Variants in CACNB1 observed in about 807,000 individuals in gnomAD.
CACNB1 encodes the protein voltage-dependent L-type calcium channel subunit beta-1.
In CACNB1, 29 loss-of-function variants were observed where a neutral mutation model predicts 71.6. That is an observed-to-expected ratio of 0.40 (90% CI 0.30 to 0.55). The LOEUF (loss-of-function observed/expected upper bound fraction) is 0.55, where lower values mean the gene tolerates loss of function less well. CACNB1 is among the 20% of genes least tolerant of loss of function. The pLI is 0.38. For synonymous variants in CACNB1, 300 were observed against 319.6 expected (o/e 0.94, Z 0.65); for missense variants, 623 against 801.8 (o/e 0.78, Z 2.69).
intron 2 of CACNB1, chr17:39,191,911 C>T (rs915761694): frequency 4.1e-5 from 15 of 364,142 alleles, no homozygotes; most frequent in Non-Finnish European, 7.0e-5. Context: ...ATGCCAGGGA[C>T]GAGTCTCTAC....
chr17:39,175,652 G>A lies in CACNB1; in HGVS notation c.1338C>T (p.Pro446=), dbSNP rs774555441. 3.8e-6 allele frequency: 6 copies of A among 1,560,336 alleles called. No individual in the cohort carries two copies. The highest frequency in any genetic ancestry group is 1.4e-5 in the African/African-American group (1 of 73,752). Residue 446 remains proline, a synonymous_variant, in exon 14 of 14, where the codon CCC becomes CCT. Transcript: ENST00000394303. The surrounding 1 kb of genome is among the most constrained non-coding windows in gnomAD (Gnocchi z 4.7). The part of the protein sequence containing the change: ...SPAPVSNLQG[P]YLASGDQPLE... Reference sequence around the variant, plus strand: ...GTGGCTGGTCCCCGGAAGCAAGGTAGGGTCCCTGGTTAGCAGACGGACAGC... The same window carrying A: ...GTGGCTGGTCCCCGGAAGCAAGGTAAGGTCCCTGGTTAGCAGACGGACAGC...
At chr17:39,190,670 C>T (rs757027107) in intron 3 of CACNB1, among the ~76,000 whole-genome samples, 2 of 151,596 alleles carry the variant, frequency 1.3e-5, no homozygotes, top group African/African-American at 2.4e-5. Flanking sequence ...TCAAGTGATC[C>T]GCCCAACCGG....
chr17:39,186,487 G>T lies in CACNB1; in HGVS notation c.628+9C>A, dbSNP rs2045943681. ...TCTTCCCAAACCCCTGCATGGCGAT[G>T]GCTCTTACCACTGGCAGGGGGTGTG... On this transcript the variant is annotated intron_variant, in intron 6 of 13. Coordinates refer to ENST00000394303, the MANE Select transcript of CACNB1 (RefSeq NM_000723.5). The surrounding 1 kb of genome is among the most constrained non-coding windows in gnomAD (Gnocchi z 4.1). 1 of 1,608,474 alleles carries T rather than the reference G, an allele frequency of 6.2e-7. No homozygotes were observed. Among genetic ancestry groups the T allele is most frequent in the African/African-American group, 1.3e-5 (1 of 74,792 alleles).
At position 39,173,969 on chromosome 17, in the gene CACNB1, A is replaced by T. The variant is rs1161867876; in HGVS notation, c.*1224T>A. The T allele has an allele frequency of 1.3e-5, 2 of 152,658 alleles. No individual in the cohort carries two copies. The highest frequency in any genetic ancestry group is 3.8e-4 in the East Asian group (2 of 5,292). 9.5% of individuals were successfully genotyped at this position (152,658 alleles called of 1,614,324 possible). On this transcript the variant is annotated 3_prime_UTR_variant, in exon 14 of 14. Transcript: ENST00000394303. ...GAAGCTGCACCCCACCCCCAGGTGG[A>T]GGGTGGGACATTGGCACAGGAGGTG...
At position 39,186,904 on chromosome 17, in the gene CACNB1, C is replaced by G; in HGVS notation, c.440G>C (p.Gly147Ala). ...KEKYNNDWWI[G>A]RLVKEGCEVG... ...CTCACAGCCCTCCTTCACCAGCCGC[C>G]CGATCCACCAGTCATTATTGTATTT... The change falls in exon 5 of 14, where the codon GGG becomes GCG. Residue 147 changes from glycine (G) to alanine (A), a missense_variant. Physicochemically the swap from Gly to Ala is moderately conservative, Grantham distance 60. Coordinates refer to ENST00000394303, the MANE Select transcript of CACNB1 (RefSeq NM_000723.5). This position sits in a 1 kb window ranked among gnomAD's most constrained non-coding sequence, Gnocchi z 4.1. 1 of 1,614,138 alleles carries G rather than the reference C, an allele frequency of 6.2e-7. No homozygotes were observed. The highest frequency in any genetic ancestry group is 1.7e-4 in the Middle Eastern group (1 of 6,058).
intron 3 of CACNB1, among the ~76,000 whole-genome samples, chr17:39,191,256 G>A (rs2046072494): frequency 6.6e-6 from 1 of 150,636 alleles, no homozygotes; most frequent in African/African-American, 2.4e-5. Flanking sequence ...ATTATGTGTG[G>A]AAACAGTATA....
chr17:39,196,088 C>A (rs549816778), intron 1 of CACNB1, among the ~76,000 whole-genome samples: 2 of 152,334 alleles, frequency 1.3e-5, no homozygotes, highest in East Asian at 3.9e-4. Context: ...AAGTCCCCGC[C>A]CTTGGTCTCC....
chr17:39,192,954 C>T (rs1036744950), intron 2 of CACNB1: 4 of 152,888 alleles, frequency 2.6e-5, no homozygotes, highest in African/African-American at 9.7e-5. Context: ...CTCCCCCTCT[C>T]CCCCCTGATG....
intron 11 of CACNB1, among the ~76,000 whole-genome samples, chr17:39,178,558 T>G (rs772344304): frequency 1.1e-4 from 17 of 152,004 alleles, no homozygotes; most frequent in South Asian, 2.1e-4. Flanking sequence ...TTTTTTTAAT[T>G]TTTTTGTAGA....
At chr17:39,178,251 G>A in intron 11 of CACNB1, 172 bp from the exon 12 acceptor site, 2 of 593,266 alleles carry the variant, frequency 3.4e-6, no homozygotes, top group Non-Finnish European at 3.0e-6. Flanking sequence ...GCAGCCCTGT[G>A]TCTACCCTAT....
chr17:39,177,045 C>T, intron 13 of CACNB1: 1 of 1,238,644 alleles, frequency 8.1e-7, no homozygotes, highest in East Asian at 2.7e-5. Context: ...GCCTCATATC[C>T]AGCGGGCAGC....
At position 39,184,397 on chromosome 17, in the gene CACNB1, T is replaced by C; in HGVS notation, c.730-14A>G. On this transcript the variant is annotated splice_polypyrimidine_tract_variant and intron_variant, in intron 8 of 13. Coordinates refer to ENST00000394303, the MANE Select transcript of CACNB1 (RefSeq NM_000723.5). ...CATGTCTGTAACCTGGGGGTGGGGG[T>C]TTGTGGGGAGGGAGGGAGGAGAAGG... 1 of 1,397,560 alleles carries C rather than the reference T, an allele frequency of 7.2e-7. No homozygotes were observed. The allele number at this position is 1,397,560 out of a possible 1,614,324, so 86.6% of individuals were successfully genotyped here. A position where few individuals can be genotyped will look rare whatever the true frequency, so the allele number is the denominator to read the frequency against.
intron 8 of CACNB1, among the ~76,000 whole-genome samples, 167 bp downstream of exon 8, chr17:39,184,617 C>T (rs1226537090): frequency 6.6e-6 from 1 of 152,006 alleles, no homozygotes; most frequent in South Asian, 2.1e-4. Context: ...GGACGGGGCT[C>T]CTCTGAGTGG....
At position 39,175,534 on chromosome 17, in the gene CACNB1, C is replaced by T; in HGVS notation, c.1456G>A (p.Gly486Ser). The T allele has an allele frequency of 6.2e-7, 1 of 1,613,792 alleles. No homozygotes were observed. Among genetic ancestry groups the T allele is most frequent in the Non-Finnish European group, 8.5e-7 (1 of 1,179,944 alleles). Reference sequence around the variant, plus strand: ...AGTGCCCGTAGCGTGCCTGCCCGGCCTGGTGGGTGGCTGCTGGGGTAAAGG... The same window carrying T: ...AGTGCCCGTAGCGTGCCTGCCCGGCTTGGTGGGTGGCTGCTGGGGTAAAGG... ...PGLYPSSHPP[G>S]RAGTLRALSR... Residue 486 changes from glycine to serine, a missense_variant, in exon 14 of 14, where the codon GGC becomes AGC. Transcript: ENST00000394303. The surrounding 1 kb of genome is among the most constrained non-coding windows in gnomAD (Gnocchi z 4.7).
At chr17:39,193,120 A>G (rs948825389) in intron 2 of CACNB1, 4 of 218,998 alleles carry the variant, frequency 1.8e-5, no homozygotes, top group Non-Finnish European at 3.8e-5. Flanking sequence ...ACACTCACTG[A>G]CCCCAACACA....
At position 39,194,054 on chromosome 17, in the gene CACNB1, T is replaced by C. The variant is rs1047443713; in HGVS notation, c.171+830A>G. 6.6e-6 allele frequency among the ~76,000 whole-genome samples: 1 copy of C among 152,184 alleles called. No individual in the cohort carries two copies. Among genetic ancestry groups the C allele is most frequent in the African/African-American group, 2.4e-5 (1 of 41,440 alleles). ...TCATCTCCAGAGGACCCCTCCTCTG[T>C]GCTGTCTTCTGCCCTCAAATGCCCT... is the stretch of plus-strand genomic sequence containing the variant. On this transcript the variant is annotated intron_variant, in intron 2 of 13. Transcript: ENST00000394303. The surrounding 1 kb of genome is among the most constrained non-coding windows in gnomAD (Gnocchi z 4.6).
intron 3 of CACNB1, among the ~76,000 whole-genome samples, chr17:39,190,404 A>C (rs150447070): frequency 2.6e-4 from 40 of 152,228 alleles, no homozygotes; most frequent in African/African-American, 8.9e-4. Flanking sequence ...CTGTCTCATA[A>C]AAAATAATAA....
intron 11 of CACNB1, among the ~76,000 whole-genome samples, chr17:39,182,724 TAAATAAATA>T (rs1243621795): frequency 2.7e-5 from 4 of 150,288 alleles, no homozygotes; most frequent in Non-Finnish European, 5.9e-5. Context: ...AATAAATAAA[TAAATAAATA>T]AATAAATAAA....
In CACNB1 at chr17:39,174,887, G is replaced by C; in HGVS notation, c.*306C>G. On this transcript the variant is annotated 3_prime_UTR_variant, in exon 14 of 14. Coordinates refer to ENST00000394303, the MANE Select transcript of CACNB1 (RefSeq NM_000723.5). ...AGGGCCCCGAGTAGAAAGAGTTAAG[G>C]AAGTGCACCTTTTCTCTAGGAGGGT... is the stretch of plus-strand genomic sequence containing the variant. 2.7e-6 allele frequency: 1 copy of C among 369,146 alleles called. No individual in the cohort carries two copies. Among genetic ancestry groups the C allele is most frequent in the Non-Finnish European group, 4.9e-6 (1 of 202,132 alleles). The allele number at this position is 369,146 out of a possible 1,614,324, so 22.9% of individuals were successfully genotyped here. A position where few individuals can be genotyped will look rare whatever the true frequency, so the allele number is the denominator to read the frequency against.
Sources: gnomAD v4.1 joint callset for allele counts (sites outside exome capture counted in the v4.1 genomes callset) on GRCh38, gnomAD v4.1.1 for gene constraint, Gnocchi (gnomAD v3.1) non-coding constraint, MANE v1.5 for transcripts, NCBI Gene and HGNC (gene_info 2026-07-23, HGNC 2026-07-21) for gene names.